Variants in DST observed in about 807,000 individuals in gnomAD.
DST encodes the protein bullous pemphigoid antigen.
A neutral mutation model predicts 875.2 loss-of-function variants in DST; 253 were observed. The observed-to-expected ratio is 0.29, with a 90% CI of 0.26 to 0.32. DST has a LOEUF of 0.32. DST is among the 10% of genes least tolerant of loss of function. DST has a pLI of 1.00. For synonymous variants in DST, 3,124 were observed against 3,197.1 expected (o/e 0.98, Z 0.77); for missense variants, 8,287 against 9,111.6 (o/e 0.91, Z 3.68).
At chr6:56,893,072 TG>T (rs1207945924) in intron 3 of DST, among the ~76,000 whole-genome samples, 2 of 152,230 alleles carry the variant, frequency 1.3e-5, no homozygotes, top group Non-Finnish European at 2.9e-5. Context: ...AGTTCTTTAG[TG>T]GTGATTTGTG....
Position 56,482,847 on chromosome 6 carries a change from T to A in DST, c.21238A>T (p.Ser7080Cys). ...GAGCGCTTCAGGGCCTGCACACTGC[T>A]GGTCCTCTTCCCCAACTCTTTTTGG... is the stretch of plus-strand genomic sequence containing the variant. ...AFQKELGKRT[S>C]SVQALKRSAR... Residue 7080 changes from serine to cysteine, a missense_variant, in exon 89 of 104, where the codon AGC becomes TGC. Coordinates refer to ENST00000680361, the MANE Select transcript of DST (RefSeq NM_001374736.1). 6.3e-7 allele frequency: 1 copy of A among 1,579,348 alleles called. No individual in the cohort carries two copies. Among genetic ancestry groups the A allele is most frequent in the South Asian group, 1.2e-5 (1 of 85,558 alleles).
At chr6:56,481,884 T>C (rs1016033190) in intron 90 of DST, among the ~76,000 whole-genome samples, 166 bp downstream of exon 90, 4 of 152,162 alleles carry the variant, frequency 2.6e-5, no homozygotes, top group Non-Finnish European at 5.9e-5. Context: ...CATGGGGACA[T>C]ACATATGTAA....
At chr6:56,636,519 C>G (rs1348733540) in intron 23 of DST, 38 bp downstream of exon 23, 3 of 1,548,842 alleles carry the variant, frequency 1.9e-6, no homozygotes, top group Non-Finnish European at 2.7e-6. Flanking sequence ...GCCAAAATCA[C>G]AATACCATCT....
At chr6:56,824,045 C>T (rs926015217) in intron 4 of DST, among the ~76,000 whole-genome samples, 3 of 152,110 alleles carry the variant, frequency 2.0e-5, no homozygotes, top group African/African-American at 7.2e-5. Flanking sequence ...TCCACGGTCT[C>T]CCTCTGATGC....
chr6:56,871,538 T>C (rs2127610821), intron 3 of DST: 21 of 1,269,654 alleles, frequency 1.7e-5, no homozygotes, highest in Non-Finnish European at 2.3e-5. Context: ...TCATTGAGCA[T>C]ATCCAAATAA....
intron 9 of DST, chr6:56,692,392 T>C (rs773904217): frequency 7.9e-7 from 1 of 1,269,282 alleles, no homozygotes; most frequent in Non-Finnish European, 1.0e-6. Context: ...ACTTACCTCA[T>C]TTCCATCTGT....
chr6:56,636,627 T>G lies in DST; in HGVS notation c.2990A>C (p.Gln997Pro). 1 of 1,613,646 alleles carries G rather than the reference T, an allele frequency of 6.2e-7. No individual in the cohort carries two copies. Among genetic ancestry groups the G allele is most frequent in the Non-Finnish European group, 8.5e-7 (1 of 1,179,932 alleles). Residue 997 changes from glutamine to proline, a missense_variant, in exon 23 of 104, where the codon CAG (glutamine) becomes CCG (proline). By Grantham distance (76) the Gln-to-Pro change is moderately conservative (BLOSUM62 -1). Around this residue, in one of 10 missense-constraint regions of DST, gnomAD observed 1,160 missense variants for 1,424.3 expected, o/e 0.81. Coordinates refer to ENST00000680361, the MANE Select transcript of DST (RefSeq NM_001374736.1). ...IEAYRAAMQT[Q>P]WSWILQLCQC... is the part of the protein sequence containing the mutation. ...GCAGAGCTGTAAGATCCAGCTCCAC[T>G]GCGTCTGCATTGCCGCTCTGTAGGC...
chr6:56,469,992 G>A lies in DST; in HGVS notation c.22477-35C>T, dbSNP rs2094801123. Reference sequence around the variant, plus strand: ...ACAATGATGAAATATTTACTTTAATGTCAATATTACATAGTACAATCCTTA... The same window carrying A: ...ACAATGATGAAATATTTACTTTAATATCAATATTACATAGTACAATCCTTA... On this transcript the variant is annotated intron_variant, in intron 96 of 103. Coordinates refer to ENST00000680361, the MANE Select transcript of DST (RefSeq NM_001374736.1). 2.5e-6 allele frequency: 4 copies of A among 1,608,340 alleles called. No homozygotes were observed. The South Asian group carries it at 4.4e-5, about 18-fold the overall frequency.
intron 3 of DST, among the ~76,000 whole-genome samples, chr6:56,878,774 G>A (rs1780666281): frequency 6.6e-6 from 1 of 152,016 alleles, no homozygotes; most frequent in South Asian, 2.1e-4. Context: ...GAGAAGAGAG[G>A]GAAAAAACCA....
In DST at chr6:56,639,461, C is replaced by G; in HGVS notation, c.2848G>C (p.Asp950His). 6.2e-7 allele frequency: 1 copy of G among 1,613,748 alleles called. No individual in the cohort carries two copies. The highest frequency in any genetic ancestry group is 2.2e-5 in the East Asian group (1 of 44,838). The change falls in exon 21 of 104, where the codon GAT becomes CAT. Residue 950 changes from aspartate to histidine, a missense_variant. Asp to His is a moderately conservative substitution (Grantham distance 81). This residue lies in a region of DST where 1,160 missense variants were observed against 1,424.3 expected (regional missense o/e 0.81). Transcript: ENST00000680361. ...AAGGGTGTACTTACAGCATGATAAT[C>G]TTTTTTCCTAGCTATGTTGGTGTTT... The part of the protein sequence containing the change: ...ERNTNIARKK[D>H]YHAELMRELD...
At chr6:56,591,231 T>C (rs1386676482) in intron 49 of DST, among the ~76,000 whole-genome samples, 1 of 152,242 alleles carries the variant, frequency 6.6e-6, no homozygotes, top group Non-Finnish European at 1.5e-5. Flanking sequence ...CACCACTGTA[T>C]GACTGAGAAT....
At chr6:56,474,069 T>C (rs1300594764) in intron 92 of DST, 67 bp from the exon 93 acceptor site, 1 of 1,330,534 alleles carries the variant, frequency 7.5e-7, no homozygotes, top group Non-Finnish European at 1.0e-6. Context: ...AGAAATGAAC[T>C]AAAAGCAGAA....
chr6:56,936,789 C>A (rs1431074009), intron 2 of DST, among the ~76,000 whole-genome samples: 1 of 151,770 alleles, frequency 6.6e-6, no homozygotes, highest in African/African-American at 2.4e-5. Flanking sequence ...ATACCAGAAA[C>A]AACTTTAGGC....
At position 56,803,170 on chromosome 6, in the gene DST, T is replaced by C. The variant is rs1385139012; in HGVS notation, c.625+48227A>G. ...TGAGGAAAGTCAATCTTAGGTTAAC[T>C]GGCAGAACCAAAACTGTAAAACCCT... On this transcript the variant is annotated intron_variant, in intron 4 of 103. Transcript: ENST00000680361. Among the ~76,000 whole-genome samples, 7 of 152,170 alleles carry C rather than the reference T, an allele frequency of 4.6e-5. No homozygotes were observed. In the East Asian group the frequency reaches 1.3e-3, roughly 29 times the overall value.
In DST at chr6:56,477,337, AC is replaced by A. The variant is rs766113962; in HGVS notation, c.21675+7del. 6.2e-7 allele frequency: 1 copy of A among 1,613,402 alleles called. No homozygotes were observed. The highest frequency in any genetic ancestry group is 2.2e-5 in the East Asian group (1 of 44,866). On this transcript the variant is annotated splice_region_variant and intron_variant, in intron 91 of 103. Transcript: ENST00000680361. The stretch of plus-strand genomic sequence containing the variant: ...TGCTACTCTGAAGATTATCTGAGAC[AC>A]ACTGACCTCCTCAAACCTCGCCCGG...
intron 55 of DST, among the ~76,000 whole-genome samples, chr6:56,563,525 C>T (rs75186200): frequency 1.6e-4 from 24 of 152,180 alleles, no homozygotes; most frequent in African/African-American, 5.3e-4. Context: ...GTCTCCCATT[C>T]TGTAGGTTGC....
At chr6:56,501,375 CTA>C in intron 79 of DST, 140 bp from the exon 80 acceptor site, 1 of 1,134,784 alleles carries the variant, frequency 8.8e-7, no homozygotes, top group Non-Finnish European at 1.2e-6. Context: ...TCATATCCTT[CTA>C]TGTTTTAAGT....
chr6:56,810,117 A>C (rs572623269), intron 4 of DST, among the ~76,000 whole-genome samples: 89 of 152,298 alleles, frequency 5.8e-4, no homozygotes, highest in African/African-American at 1.9e-3. Flanking sequence ...GCTTGAAGCC[A>C]GAAGTTCGAG....
At chr6:56,499,467 A>T (rs1327354529) in intron 80 of DST, among the ~76,000 whole-genome samples, 2 of 152,130 alleles carry the variant, frequency 1.3e-5, no homozygotes, top group East Asian at 3.8e-4. Flanking sequence ...AATATAAAAG[A>T]GAGTTCTATA....
Sources: gnomAD v4.1 joint callset for allele counts (sites outside exome capture counted in the v4.1 genomes callset) on GRCh38, gnomAD v4.1.1 for gene constraint, gnomAD v4.1.1 regional missense constraint, MANE v1.5 for transcripts, NCBI Gene and HGNC (gene_info 2026-07-23, HGNC 2026-07-21) for gene names.